Variants in PPP3CB observed in about 807,000 individuals in gnomAD.
PPP3CB encodes serine/threonine-protein phosphatase 2B catalytic subunit beta isoform.
In PPP3CB, 8 loss-of-function variants were observed where a neutral mutation model predicts 66.4. The observed-to-expected ratio is 0.12, with a 90% CI of 0.07 to 0.22. PPP3CB has a LOEUF of 0.22. Among genes scored for constraint, PPP3CB ranks in the 10% least tolerant of loss-of-function variants. PPP3CB has a pLI of 1.00. For synonymous variants in PPP3CB, 208 were observed against 221.2 expected (o/e 0.94, Z 0.53); for missense variants, 319 against 642.5 (o/e 0.50, Z 5.44).
chr10:73,495,793 T>C lies in PPP3CB; in HGVS notation c.85+12A>G, dbSNP rs757155733. On this transcript the variant is annotated intron_variant, in intron 1 of 13. Transcript: ENST00000360663. ...TTCAGGCCAGGCCCCCAGGGTTTCG[T>C]CCACCTCTCACCTTTGACGACGCGG... 19 of 1,483,212 alleles carry C rather than the reference T, an allele frequency of 1.3e-5. No individual in the cohort carries two copies. In the Admixed American group the frequency reaches 1.3e-4, roughly 10 times the overall value. The allele number at this position is 1,483,212 out of a possible 1,614,324, so 91.9% of individuals were successfully genotyped here.
rs375880535 is a variant in PPP3CB at position 73,445,483 on chromosome 10, G to A, written c.1269-661C>T. ...TCTTTTTGAGACAAGGTCTCACTCCGTCACCCAGGCTGGAGTGCAGCGGCA... is the reference window on the plus strand; with the variant it reads ...TCTTTTTGAGACAAGGTCTCACTCCATCACCCAGGCTGGAGTGCAGCGGCA... On this transcript the variant is annotated intron_variant, in intron 11 of 13. Coordinates refer to ENST00000360663, the MANE Select transcript of PPP3CB (RefSeq NM_021132.4). Among the ~76,000 whole-genome samples, 19 of 152,254 alleles carry A rather than the reference G, an allele frequency of 1.2e-4. No homozygotes were observed. In the South Asian group the frequency reaches 2.1e-3, roughly 17 times the overall value.
intron 1 of PPP3CB, among the ~76,000 whole-genome samples, chr10:73,494,046 G>A (rs757556349): frequency 1.3e-5 from 2 of 152,168 alleles, no homozygotes; most frequent in Non-Finnish European, 2.9e-5. Flanking sequence ...AAAGTGCCCA[G>A]GGAAATGAAC....
chr10:73,475,866 T>C (rs2056776677), intron 3 of PPP3CB, among the ~76,000 whole-genome samples: 1 of 152,142 alleles, frequency 6.6e-6, no homozygotes, highest in Non-Finnish European at 1.5e-5. Context: ...AAACAAACTT[T>C]TTTATTTTTA....
At chr10:73,465,371 G>A (rs2056602616) in intron 9 of PPP3CB, among the ~76,000 whole-genome samples, 1 of 152,108 alleles carries the variant, frequency 6.6e-6, no homozygotes, top group Non-Finnish European at 1.5e-5. Context: ...TGGGACTACA[G>A]GCCAATGTAG....
chr10:73,476,690 C>T (rs1004667719), intron 3 of PPP3CB, among the ~76,000 whole-genome samples: 1 of 150,990 alleles, frequency 6.6e-6, no homozygotes, highest in Non-Finnish European at 1.5e-5. Context: ...ACTTAGTTAC[C>T]AAATAAGCTT....
intron 1 of PPP3CB, among the ~76,000 whole-genome samples, chr10:73,483,659 G>A (rs2056920888): frequency 6.6e-6 from 1 of 151,832 alleles, no homozygotes; most frequent in South Asian, 2.1e-4. Flanking sequence ...TCCGTCTAAA[G>A]ATAAAAAATA....
At position 73,447,623 on chromosome 10, in the gene PPP3CB, C is replaced by A. The variant is rs184359890; in HGVS notation, c.1187-1050G>T. On this transcript the variant is annotated intron_variant, in intron 10 of 13. Coordinates refer to ENST00000360663, the MANE Select transcript of PPP3CB (RefSeq NM_021132.4). The stretch of plus-strand genomic sequence containing the variant: ...CAACTGTAAGTCTTCTGGGAGAGAA[C>A]ATCTCATTTAAAATTCAAGCAGTCC... Among the ~76,000 whole-genome samples, 147 of 152,206 alleles carry A rather than the reference C, an allele frequency of 9.7e-4. 1 individual carries two copies. The highest frequency in any genetic ancestry group is 1.5e-3 in the Non-Finnish European group (99 of 68,004).
rs551708669 is a variant in PPP3CB, at chr10:73,482,521, C to T, written c.86-3004G>A. On this transcript the variant is annotated intron_variant, in intron 1 of 13. Coordinates refer to ENST00000360663, the MANE Select transcript of PPP3CB (RefSeq NM_021132.4). ...TCGCGCCACTGCACTCCAGCCTGGGCGACAGAGCGAGACTCCGTCTCAAAA... is the reference window on the plus strand; with the variant it reads ...TCGCGCCACTGCACTCCAGCCTGGGTGACAGAGCGAGACTCCGTCTCAAAA... 1.8e-3 allele frequency among the ~76,000 whole-genome samples: 199 copies of T among 109,146 alleles called. 3 individuals are homozygous for T. Among genetic ancestry groups the T allele is most frequent in the Non-Finnish European group, 2.9e-3 (171 of 59,864 alleles). The allele number at this position is 109,146 out of a possible 152,430, so 71.6% of individuals were successfully genotyped here. A position where few individuals can be genotyped will look rare whatever the true frequency, so the allele number is the denominator to read the frequency against.
rs10524475 is a variant in PPP3CB, at chr10:73,489,408, C to CAATAATAAT, written c.85+6388_85+6396dup. On this transcript the variant is annotated intron_variant, in intron 1 of 13. Transcript: ENST00000360663. ...GGTCACTATTCTACTTTAAAACCTT[C>CAATAATAAT]AATAATAATAATAATAATAATAATG... 6.1e-3 allele frequency among the ~76,000 whole-genome samples: 922 copies of CAATAATAAT among 149,940 alleles called. 8 individuals carry two copies. The highest frequency in any genetic ancestry group is 0.021 in the African/African-American group (847 of 40,396).
chr10:73,453,323 T>A (rs1460940742), intron 10 of PPP3CB, among the ~76,000 whole-genome samples: 1 of 150,860 alleles, frequency 6.6e-6, no homozygotes, highest in Admixed American at 6.6e-5. Context: ...AAAGCTATTA[T>A]ACAAATATGT....
At chr10:73,444,998 G>C (rs1237631813) in intron 11 of PPP3CB, among the ~76,000 whole-genome samples, 176 bp from the exon 12 acceptor site, 2 of 152,168 alleles carry the variant, frequency 1.3e-5, no homozygotes, top group Admixed American at 1.3e-4. Flanking sequence ...TCAGGTATGA[G>C]GGTGTGCCTT....
At chr10:73,494,286 GTT>G (rs1024510441) in intron 1 of PPP3CB, among the ~76,000 whole-genome samples, 1 of 151,114 alleles carries the variant, frequency 6.6e-6, no homozygotes, top group African/African-American at 2.5e-5. Flanking sequence ...TTTTGTTTTT[GTT>G]TTTGTTTTTG....
intron 12 of PPP3CB, chr10:73,443,768 C>A (rs2056201881): frequency 6.6e-6 from 1 of 152,224 alleles, no homozygotes; most frequent in Non-Finnish European, 1.5e-5. Context: ...ATAAAATATT[C>A]AATGAGCCAG....
intron 10 of PPP3CB, among the ~76,000 whole-genome samples, chr10:73,448,057 C>A (rs560718779): frequency 6.6e-5 from 10 of 152,252 alleles, no homozygotes; most frequent in Admixed American, 1.3e-4. Flanking sequence ...GAAGGTAAGT[C>A]TGATTCTCTT....
intron 10 of PPP3CB, among the ~76,000 whole-genome samples, chr10:73,450,055 C>A (rs2056320547): frequency 6.6e-6 from 1 of 152,188 alleles, no homozygotes; most frequent in Non-Finnish European, 1.5e-5. Context: ...GCCTTAGCCT[C>A]CCAAAGTGCT....
intron 12 of PPP3CB, chr10:73,444,302 C>CA (rs1378331335): frequency 2.8e-6 from 1 of 362,210 alleles, no homozygotes; most frequent in Non-Finnish European, 5.0e-6. Flanking sequence ...AAGCATAGTC[C>CA]AATACAATGA....
In PPP3CB at chr10:73,490,809, A is replaced by T. The variant is rs1201040979; in HGVS notation, c.85+4996T>A. On this transcript the variant is annotated intron_variant, in intron 1 of 13. Transcript: ENST00000360663. ...TGTTCCTTTGCTTTCACTAGGACACATGGTACTGAAGATTTATTTTATTTA... is the reference window on the plus strand; with the variant it reads ...TGTTCCTTTGCTTTCACTAGGACACTTGGTACTGAAGATTTATTTTATTTA... Among the ~76,000 whole-genome samples, 3 of 151,966 alleles carry T rather than the reference A, an allele frequency of 2.0e-5. No individual in the cohort carries two copies. The East Asian group carries it at 5.8e-4, about 29-fold the overall frequency.
chr10:73,478,761 T>C (rs989836843), intron 2 of PPP3CB, 138 bp from the exon 3 acceptor site: 23 of 710,212 alleles, frequency 3.2e-5, no homozygotes, highest in Middle Eastern at 3.6e-4. Flanking sequence ...CTATGAACAG[T>C]CATGATTAGG....
intron 12 of PPP3CB, among the ~76,000 whole-genome samples, chr10:73,443,340 G>GA (rs1268286633): frequency 1.2e-4 from 17 of 142,428 alleles, no homozygotes; most frequent in Admixed American, 6.3e-4. Context: ...AAAAGAAAGA[G>GA]AAGAGAAGAG....
Sources: gnomAD v4.1 joint callset for allele counts (sites outside exome capture counted in the v4.1 genomes callset) on GRCh38, gnomAD v4.1.1 for gene constraint, MANE v1.5 for transcripts, NCBI Gene and HGNC (gene_info 2026-07-23, HGNC 2026-07-21) for gene names.